C3: variants seen among roughly 807,000 people sequenced by gnomAD.
The protein encoded by C3 is C3 and PZP-like alpha-2-macroglobulin domain-containing protein 1.
In C3, 97 loss-of-function variants were observed where a neutral mutation model predicts 207.9. The ratio of observed to expected loss-of-function variants is 0.47; its 90% CI spans 0.40 to 0.55. C3 has a LOEUF of 0.55. Ranked by LOEUF, C3 falls within the 20% of genes least tolerant of loss-of-function variation. The probability of loss-of-function intolerance (pLI) is 0.00; values close to 1 mark genes in which losing one functional copy is unlikely to be tolerated. For missense variants in C3, 1,684 were observed against 2,171.7 expected, an observed-to-expected ratio of 0.78 and a Z score of 4.46; for synonymous variants, 848 against 857.6, an observed-to-expected ratio of 0.99 and a Z score of 0.20.
chr19:6,686,846 G>A lies in C3; in HGVS notation c.3546C>T (p.Asn1182=), dbSNP rs189353964. The A allele has an allele frequency of 1.1e-5, 17 of 1,613,968 alleles. No individual in the cohort carries two copies. In the Admixed American group the frequency reaches 2.8e-4, roughly 27 times the overall value. ...AGDFLEANYM[N]LQRSYTVAIA... ...TGGCCACAGTGTAGGATCTCTGTAGGTTCATGTAGTTGGCTTCAAGGAAGT... is the reference window on the plus strand; with the variant it reads ...TGGCCACAGTGTAGGATCTCTGTAGATTCATGTAGTTGGCTTCAAGGAAGT... Residue 1182 remains asparagine, a synonymous_variant, in exon 28 of 41, where the codon AAC becomes AAT. Transcript: ENST00000245907.
In C3 at chr19:6,681,954, A is replaced by C; in HGVS notation, c.4337T>G (p.Ile1446Ser). Residue 1446 changes from isoleucine to serine, a missense_variant, in exon 35 of 41, where the codon ATC becomes AGC. Physicochemically the swap from Ile to Ser is moderately radical, Grantham distance 142. This residue lies in a region of C3 where 346 missense variants were observed against 380.1 expected (regional missense o/e 0.91). Transcript: ENST00000245907. ...ATGCAGCCTTACCTTGTCCAGGTAG[A>C]TGATGAGGGTGTTCCTATCGGAGAA... ...KAFSDRNTLI[I>S]YLDKVSHSED... The C allele has an allele frequency of 6.2e-7, 1 of 1,613,776 alleles. No individual in the cohort carries two copies. Among genetic ancestry groups the C allele is most frequent in the Non-Finnish European group, 8.5e-7 (1 of 1,179,706 alleles).
intron 2 of C3, among the ~76,000 whole-genome samples, chr19:6,718,984 G>GT (rs1968107718): frequency 4.2e-5 from 1 of 24,006 alleles, no homozygotes; most frequent in South Asian, 1.4e-3. Context: ...AGAAGGGGTG[G>GT]GGGGGGGTCT....
At position 6,712,391 on chromosome 19, in the gene C3, G is replaced by C. The variant is rs1449256999; in HGVS notation, c.1135C>G (p.Pro379Ala). 16 of 1,614,038 alleles carry C rather than the reference G, an allele frequency of 9.9e-6. No homozygotes were observed. Among genetic ancestry groups the C allele is most frequent in the African/African-American group, 1.3e-5 (1 of 74,920 alleles). ...PFDLMVFVTN[P>A]DGSPAYRVPV... ...ACTCGGTAGGCTGGAGAGCCATCAG[G>C]GTTCGTCACGAACACCTGTGATGTG... Residue 379 changes from proline (P) to alanine (A), a missense_variant, in exon 11 of 41, where the codon CCT becomes GCT. Physicochemically the swap from Pro to Ala is conservative, Grantham distance 27. This residue lies in a region of C3 where 1,280 missense variants were observed against 1,739.1 expected (regional missense o/e 0.74). Coordinates refer to ENST00000245907, the MANE Select transcript of C3 (RefSeq NM_000064.4).
In C3 at chr19:6,684,131, A is replaced by G. The variant is rs1389625; in HGVS notation, c.4172+257T>C. The G allele has an allele frequency of 0.15, 82,277 of 554,856 alleles. 6,584 individuals carry two copies. Among genetic ancestry groups the G allele is most frequent in the African/African-American group, 0.24 (12,770 of 52,728 alleles). The allele number at this position is 554,856 out of a possible 1,614,324, so 34.4% of individuals were successfully genotyped here. A position where few individuals can be genotyped will look rare whatever the true frequency, so the allele number is the denominator to read the frequency against. ...AGAAAAAAAGAAAACTTTAAAGGTC[A>G]TGGAATGATTGTGTACTTTCCTCCA... On this transcript the variant is annotated intron_variant, in intron 33 of 40. Coordinates refer to ENST00000245907, the MANE Select transcript of C3 (RefSeq NM_000064.4).
chr19:6,705,945 A>T (rs1967765784), intron 17 of C3, among the ~76,000 whole-genome samples: 1 of 151,980 alleles, frequency 6.6e-6, no homozygotes, highest in Non-Finnish European at 1.5e-5. Context: ...AAGTGCTGCG[A>T]TTGCCGGTGT....
rs772505177 is a variant in C3, at chr19:6,712,600, G to A, written c.1027C>T (p.Arg343Cys). Residue 343 changes from arginine (R) to cysteine (C), a missense_variant, in exon 10 of 41, where the codon CGC (arginine) becomes TGC (cysteine). Physicochemically the swap from Arg to Cys is radical, Grantham distance 180. Around this residue, in one of 3 missense-constraint regions of C3, gnomAD observed 1,280 missense variants for 1,739.1 expected, o/e 0.74. Coordinates refer to ENST00000245907, the MANE Select transcript of C3 (RefSeq NM_000064.4). Reference sequence around the variant, plus strand: ...GAGGTCACGATGGGGATCCCGCTGCGCTCTGCCTGCACCATGTCACTGCCT... The same window carrying A: ...GAGGTCACGATGGGGATCCCGCTGCACTCTGCCTGCACCATGTCACTGCCT... ...HSGSDMVQAERSGIPIVTSPY... is the reference protein window; with the variant it reads ...HSGSDMVQAECSGIPIVTSPY... 133 of 1,613,928 alleles carry A rather than the reference G, an allele frequency of 8.2e-5. No homozygotes were observed. Among genetic ancestry groups the A allele is most frequent in the African/African-American group, 2.0e-4 (15 of 74,904 alleles).
In C3 at chr19:6,714,592, C is replaced by G. The variant is rs148762379; in HGVS notation, c.505-146G>C. Reference sequence around the variant, plus strand: ...AGAACAGGGACCCAGGTGGGCGCAGCGGCTCACGCCTGTCATCCCAGCACT... The same window carrying G: ...AGAACAGGGACCCAGGTGGGCGCAGGGGCTCACGCCTGTCATCCCAGCACT... On this transcript the variant is annotated intron_variant, in intron 4 of 40. Coordinates refer to ENST00000245907, the MANE Select transcript of C3 (RefSeq NM_000064.4). 5.8e-5 allele frequency: 40 copies of G among 693,724 alleles called. No individual in the cohort carries two copies. The African/African-American group carries it at 6.8e-4, about 12-fold the overall frequency. The allele number at this position is 693,724 out of a possible 1,614,324, so 43.0% of individuals were successfully genotyped here.
At position 6,720,550 on chromosome 19, in the gene C3, G is replaced by A. The variant is rs373838970; in HGVS notation, c.40C>T (p.Leu14=). The A allele has an allele frequency of 6.9e-6, 11 of 1,593,794 alleles. No individual in the cohort carries two copies. The highest frequency in any genetic ancestry group is 8.5e-6 in the Non-Finnish European group (10 of 1,170,092). ...CCCAGAGCCAGGGGGAGGTGGGTTA[G>A]TAGCAGGAGCAGCAGGCTGGGACCT... ...TSGPSLLLLL[L]THLPLALGSP... The change falls in exon 1 of 41, where the codon CTA becomes TTA. Residue 14 remains leucine (L), a synonymous_variant. Coordinates refer to ENST00000245907, the MANE Select transcript of C3 (RefSeq NM_000064.4).
Position 6,684,633 on chromosome 19 carries a change from A to G in C3, c.4047T>C (p.His1349=), listed in dbSNP as rs760678871. ...AGGTGAGTTGATCTTTGGCCTTAGC[A>G]TGGTACATTGTCACCACCTGGTAAG... ...QGTLSVVTMY[H]AKAKDQLTCN... is the part of the protein sequence containing the mutation. The change falls in exon 32 of 41, where the codon CAT becomes CAC. Residue 1349 remains histidine (H), a synonymous_variant. Transcript: ENST00000245907. The G allele has an allele frequency of 1.9e-6, 3 of 1,613,994 alleles. No homozygotes were observed. The highest frequency in any genetic ancestry group is 2.2e-5 in the East Asian group (1 of 44,884).
intron 33 of C3, chr19:6,684,114 A>AG: frequency 2.0e-6 from 1 of 488,796 alleles, no homozygotes; most frequent in Non-Finnish European, 3.7e-6. Flanking sequence ...AAAGAAAAAA[A>AG]GAAAACTTTA....
Position 6,697,727 on chromosome 19 carries a change from G to C in C3, c.2508C>G (p.Pro836=), listed in dbSNP as rs1568217647. 1 of 1,614,066 alleles carries C rather than the reference G, an allele frequency of 6.2e-7. No homozygotes were observed. Among genetic ancestry groups the C allele is most frequent in the Non-Finnish European group, 8.5e-7 (1 of 1,179,990 alleles). ...CCTGCTCGTTTCGAACAACAGAGTA[G>C]GGTAGCCGCAGGTCGATGAAGAAGT... ...MQDFFIDLRL[P]YSVVRNEQVE... The change falls in exon 20 of 41, where the codon CCC becomes CCG. Residue 836 remains proline (P), a synonymous_variant. Coordinates refer to ENST00000245907, the MANE Select transcript of C3 (RefSeq NM_000064.4).
In C3 at chr19:6,684,838, C is replaced by T. The variant is rs1372591173; in HGVS notation, c.3970-4G>A. The T allele has an allele frequency of 6.2e-7, 1 of 1,614,070 alleles. No individual in the cohort carries two copies. Among genetic ancestry groups the T allele is most frequent in the Admixed American group, 1.7e-5 (1 of 60,016 alleles). On this transcript the variant is annotated splice_polypyrimidine_tract_variant and splice_region_variant and intron_variant, in intron 30 of 40. Transcript: ENST00000245907. ...TGAAACCCTCATTTTCCTTGGTCTG[C>T]AGAGTGAAAAGAGAGAAGAGAGCAT...
At position 6,681,982 on chromosome 19, in the gene C3, C is replaced by T. The variant is rs1432105397; in HGVS notation, c.4309G>A (p.Ala1437Thr). The T allele has an allele frequency of 6.2e-7, 1 of 1,614,034 alleles. No individual in the cohort carries two copies. The highest frequency in any genetic ancestry group is 1.3e-5 in the African/African-American group (1 of 74,930). ...ATGAGGGTGTTCCTATCGGAGAAGG[C>T]TTTGTCCAGCTCATACTTGGAGATG... ...RYISKYELDKAFSDRNTLIIY... is the reference protein window; with the variant it reads ...RYISKYELDKTFSDRNTLIIY... The change falls in exon 35 of 41, where the codon GCC becomes ACC. Residue 1437 changes from alanine to threonine, a missense_variant. Transcript: ENST00000245907.
intron 29 of C3, 32 bp from the exon 30 acceptor site, chr19:6,685,178 T>C (rs1157845909): frequency 1.2e-6 from 2 of 1,606,068 alleles, no homozygotes; most frequent in South Asian, 2.2e-5. Context: ...GATGGTGATC[T>C]GGGAGCCTGG....
At chr19:6,696,277 G>A in intron 23 of C3, 102 bp downstream of exon 23, 1 of 732,034 alleles carries the variant, frequency 1.4e-6, no homozygotes, top group South Asian at 1.5e-5. Context: ...CTAGCTGAAG[G>A]GGAAGAGAAA....
At chr19:6,690,780 G>A in intron 26 of C3, 53 bp from the exon 27 acceptor site, 1 of 1,368,410 alleles carries the variant, frequency 7.3e-7, no homozygotes, top group South Asian at 1.2e-5. Flanking sequence ...TCCACACATG[G>A]CAGTCATCCC....
At position 6,678,116 on chromosome 19, in the gene C3, CG is replaced by C. The variant is rs1285887690; in HGVS notation, c.4850+35del. On this transcript the variant is annotated intron_variant, in intron 40 of 40. Coordinates refer to ENST00000245907, the MANE Select transcript of C3 (RefSeq NM_000064.4). ...GTGGGCGTGGCATGGGCGGGGCAGT[CG>C]GGCGGTCGCGCGCACGCGCAGGGAA... 11 of 1,614,012 alleles carry C rather than the reference CG, an allele frequency of 6.8e-6. No individual in the cohort carries two copies. In the Middle Eastern group the frequency reaches 6.6e-4, roughly 97 times the overall value.
At chr19:6,680,520 A>G (rs1429413545) in intron 35 of C3, among the ~76,000 whole-genome samples, 2 of 152,158 alleles carry the variant, frequency 1.3e-5, no homozygotes, top group African/African-American at 2.4e-5. Context: ...CCCATGCACA[A>G]TCTTATTTCC....
chr19:6,713,452 A>C lies in C3; in HGVS notation c.831T>G (p.Asp277Glu), dbSNP rs140126161. The C allele has an allele frequency of 8.7e-6, 14 of 1,613,826 alleles. No individual in the cohort carries two copies. Among genetic ancestry groups the C allele is most frequent in the African/African-American group, 2.7e-5 (2 of 74,858 alleles). Residue 277 changes from aspartate (D) to glutamate (E), a missense_variant, in exon 8 of 41, where the codon GAT becomes GAG. By Grantham distance (45) the Asp-to-Glu change is conservative. This residue lies in a region of C3 where 1,280 missense variants were observed against 1,739.1 expected (regional missense o/e 0.74). Transcript: ENST00000245907. ...CAGGCAGGGAAATCCTCTGTTCGCC[A>C]TCCTGGATCCCGAAGATGACAAAGG... ...GTAFVIFGIQ[D>E]GEQRISLPES...
Sources: allele counts gnomAD v4.1 joint callset (sites outside exome capture counted in the v4.1 genomes callset), GRCh38; gene constraint gnomAD v4.1.1; regional missense constraint gnomAD v4.1.1; transcripts MANE v1.5; gene names NCBI Gene and HGNC (gene_info 2026-07-23, HGNC 2026-07-21).